The following EMB variants were observed in gnomAD, a reference collection of about 807,000 sequenced individuals.
EMB encodes embigin, also known as embigin homolog.
Under a neutral mutation model 41.4 loss-of-function variants are expected in EMB, and 31 were observed. That is an observed-to-expected ratio of 0.75 (90% CI 0.56 to 1.01). The LOEUF (loss-of-function observed/expected upper bound fraction) is 1.01, where lower values mean the gene tolerates loss of function less well. Ranked by LOEUF, EMB falls within the 50% of genes least tolerant of loss-of-function variation. The pLI, the probability that EMB is intolerant of heterozygous loss-of-function variation, is 0.00. For missense variants in EMB, 379 were observed against 388.3 expected (o/e 0.98, Z 0.20); for synonymous variants, 137 against 140.4 (o/e 0.98, Z 0.17).
chr5:50,412,788 G>A (rs1264405155), intron 2 of EMB, among the ~76,000 whole-genome samples: 2 of 151,950 alleles, frequency 1.3e-5, no homozygotes, highest in East Asian at 3.9e-4. Context: ...GTTTGGCAAG[G>A]AATATGGAAT....
At chr5:50,420,477 T>C (rs1382906828) in intron 2 of EMB, among the ~76,000 whole-genome samples, 1 of 152,212 alleles carries the variant, frequency 6.6e-6, no homozygotes, top group Non-Finnish European at 1.5e-5. Context: ...TGACTGATTG[T>C]CTCAGGTCAC....
At chr5:50,419,678 C>T (rs1206145199) in intron 2 of EMB, among the ~76,000 whole-genome samples, 5 of 152,132 alleles carry the variant, frequency 3.3e-5, no homozygotes, top group African/African-American at 1.2e-4. Flanking sequence ...CTCCTTTCCC[C>T]ATCATGGTTG....
chr5:50,441,049 T>C lies in EMB; in HGVS notation c.103A>G (p.Ser35Gly). 6.6e-7 allele frequency: 1 copy of C among 1,508,862 alleles called. No individual in the cohort carries two copies. 93.5% of individuals were successfully genotyped at this position (1,508,862 alleles called of 1,614,324 possible). A position where few individuals can be genotyped will look rare whatever the true frequency, so the allele number is the denominator to read the frequency against. ...AAARPSSADG[S>G]APDSPFTSPP... The stretch of plus-strand genomic sequence containing the variant: ...CCTGTACCCATCACACCTGGGGCAC[T>C]GCCGTCCGCCGAGCTTGGGCGCGCG... Residue 35 changes from serine (S) to glycine (G), a missense_variant, in exon 1 of 9, where the codon AGT (serine) becomes GGT (glycine). Coordinates refer to ENST00000303221, the MANE Select transcript of EMB (RefSeq NM_198449.3).
In EMB at chr5:50,438,633, C is replaced by T. The variant is rs372368187; in HGVS notation, c.112+2407G>A. Reference sequence around the variant, plus strand: ...ATCTAGGTCAAAAATATCCAGTAAACCTCACAATATCCTTTGGCAAAGAGA... The same window carrying T: ...ATCTAGGTCAAAAATATCCAGTAAATCTCACAATATCCTTTGGCAAAGAGA... On this transcript the variant is annotated intron_variant, in intron 1 of 8. Transcript: ENST00000303221. Among the ~76,000 whole-genome samples the T allele has an allele frequency of 2.3e-3, 343 of 152,230 alleles. 3 individuals are homozygous for T. The highest frequency in any genetic ancestry group is 7.8e-3 in the African/African-American group (325 of 41,528).
Position 50,422,521 on chromosome 5 carries a change from G to A in EMB, c.196+5623C>T, listed in dbSNP as rs537286032. 1.2e-4 allele frequency among the ~76,000 whole-genome samples: 19 copies of A among 152,290 alleles called. No individual in the cohort carries two copies. The South Asian group carries it at 2.9e-3, about 23-fold the overall frequency. ...GCTATTTCAAAGCTATCAGGAAAAG[G>A]AGAACTATTCAGTTAAGAAAGTTGA... On this transcript the variant is annotated intron_variant, in intron 2 of 8. Transcript: ENST00000303221.
intron 5 of EMB, among the ~76,000 whole-genome samples, chr5:50,404,614 T>C (rs918509831): frequency 6.6e-6 from 1 of 151,964 alleles, no homozygotes; most frequent in Non-Finnish European, 1.5e-5. Context: ...CTAATGTTTT[T>C]CACATATTGT....
rs192000200 is a variant in EMB, at chr5:50,436,370, T to G, written c.112+4670A>C. On this transcript the variant is annotated intron_variant, in intron 1 of 8. Coordinates refer to ENST00000303221, the MANE Select transcript of EMB (RefSeq NM_198449.3). ...TTTCTCTATCTTTATTTCATTCTTCTCTAGTGAAAAACCTAGATCCTATTA... is the reference window on the plus strand; with the variant it reads ...TTTCTCTATCTTTATTTCATTCTTCGCTAGTGAAAAACCTAGATCCTATTA... Among the ~76,000 whole-genome samples the G allele has an allele frequency of 2.3e-3, 345 of 152,270 alleles. 2 individuals carry two copies. In the Middle Eastern group the frequency reaches 0.024, roughly 11 times the overall value.
At position 50,407,976 on chromosome 5, in the gene EMB, T is replaced by G. The variant is rs1440985180; in HGVS notation, c.473-2124A>C. Among the ~76,000 whole-genome samples the G allele has an allele frequency of 2.0e-5, 3 of 152,100 alleles. No individual in the cohort carries two copies. The East Asian group carries it at 5.8e-4, about 29-fold the overall frequency. On this transcript the variant is annotated intron_variant, in intron 4 of 8. Transcript: ENST00000303221. ...CTAAATGTCATATTGGTTCAAAGAC[T>G]TTTAGGTACCACTAAATTAGGAAAA...
intron 1 of EMB, among the ~76,000 whole-genome samples, chr5:50,439,347 T>C (rs974413296): frequency 2.0e-5 from 3 of 152,048 alleles, no homozygotes; most frequent in African/African-American, 7.3e-5. Context: ...AGTTTTGCAC[T>C]GTCACCCAGG....
rs1313636720 is a variant in EMB, at chr5:50,411,202, T to C, written c.378A>G (p.Gln126=). The C allele has an allele frequency of 7.5e-6, 12 of 1,609,294 alleles. No homozygotes were observed. Among genetic ancestry groups the C allele is most frequent in the Middle Eastern group, 1.7e-4 (1 of 6,036 alleles). The change falls in exon 3 of 9, where the codon CAA becomes CAG. Residue 126 remains glutamine, a synonymous_variant. Transcript: ENST00000303221. ...VSATGSTLYT[Q]YRFTIINSKQ... ...GTTAAAATTTGTATACTCACCTGTA[T>C]TGGGTATACAAGGTGCTTCCTGTTG... is the stretch of plus-strand genomic sequence containing the variant.
intron 2 of EMB, among the ~76,000 whole-genome samples, chr5:50,423,780 C>T (rs1745564744): frequency 1.3e-5 from 2 of 152,260 alleles, no homozygotes; most frequent in Admixed American, 6.5e-5. Flanking sequence ...GTGTTGAGGA[C>T]AGGCCCACGT....
At chr5:50,436,423 A>G (rs1041344242) in intron 1 of EMB, among the ~76,000 whole-genome samples, 6 of 152,156 alleles carry the variant, frequency 3.9e-5, no homozygotes, top group African/African-American at 1.2e-4. Context: ...TATTTGATCC[A>G]TCACCCTGTA....
chr5:50,405,638 G>C (rs1745235464), intron 5 of EMB, 87 bp downstream of exon 5: 1 of 1,465,970 alleles, frequency 6.8e-7, no homozygotes. Flanking sequence ...ATCATCTTAG[G>C]AATGCTGAGT....
chr5:50,406,936 A>T (rs1347628378), intron 4 of EMB, among the ~76,000 whole-genome samples: 1 of 151,964 alleles, frequency 6.6e-6, no homozygotes, highest in Non-Finnish European at 1.5e-5. Flanking sequence ...ACAACCTGAG[A>T]GGAAGAGCAG....
chr5:50,427,305 A>T lies in EMB; in HGVS notation c.196+839T>A, dbSNP rs540023218. Among the ~76,000 whole-genome samples, 13 of 152,212 alleles carry T rather than the reference A, an allele frequency of 8.5e-5. No homozygotes were observed. The South Asian group carries it at 2.5e-3, about 29-fold the overall frequency. On this transcript the variant is annotated intron_variant, in intron 2 of 8. Coordinates refer to ENST00000303221, the MANE Select transcript of EMB (RefSeq NM_198449.3). ...TACATTGACACTAAAAATTATAAAT[A>T]TATCTTCAAATTTAAATTCTGTAGT...
intron 2 of EMB, among the ~76,000 whole-genome samples, chr5:50,427,103 C>CT (rs1259016504): frequency 6.6e-6 from 1 of 152,154 alleles, no homozygotes; most frequent in African/African-American, 2.4e-5. Flanking sequence ...TTTGCTAGTG[C>CT]TAATGAGTTT....
In EMB at chr5:50,410,866, T is replaced by G; in HGVS notation, c.472+11A>C. The G allele has an allele frequency of 6.6e-7, 1 of 1,512,402 alleles. No homozygotes were observed. Among genetic ancestry groups the G allele is most frequent in the South Asian group, 1.2e-5 (1 of 83,430 alleles). 93.7% of individuals were successfully genotyped at this position (1,512,402 alleles called of 1,614,324 possible). ...AAGTTATTAACTATTCCTCAAGTTA[T>G]TAATACTGACCTTTGAAATTAAATG... On this transcript the variant is annotated intron_variant, in intron 4 of 8. Transcript: ENST00000303221.
intron 1 of EMB, among the ~76,000 whole-genome samples, chr5:50,434,859 T>C (rs1745778587): frequency 6.6e-6 from 1 of 152,230 alleles, no homozygotes; most frequent in Non-Finnish European, 1.5e-5. Flanking sequence ...AGCAAAGTGT[T>C]GTGAGGTTTG....
At chr5:50,421,691 T>C (rs1188185831) in intron 2 of EMB, among the ~76,000 whole-genome samples, 1 of 151,782 alleles carries the variant, frequency 6.6e-6, no homozygotes, top group Admixed American at 6.6e-5. Context: ...GTGGCACATA[T>C]ACACCATGGA....
Sources: gnomAD v4.1 joint callset for allele counts (sites outside exome capture counted in the v4.1 genomes callset) on GRCh38, gnomAD v4.1.1 for gene constraint, MANE v1.5 for transcripts, NCBI Gene and HGNC (gene_info 2026-07-23, HGNC 2026-07-21) for gene names.